FRAS1: variants seen among roughly 807,000 people sequenced by gnomAD.
The protein encoded by FRAS1 is Fraser extracellular matrix complex subunit 1, also known as extracellular matrix organizing protein FRAS1.
In FRAS1, 290 loss-of-function variants were observed where a neutral mutation model predicts 435.2. That is an observed-to-expected ratio of 0.67 (90% CI 0.61 to 0.73). FRAS1 has a LOEUF of 0.73. Among genes scored for constraint, FRAS1 ranks in the 30% least tolerant of loss-of-function variants. The pLI, the probability that FRAS1 is intolerant of heterozygous loss-of-function variation, is 0.00. For synonymous variants in FRAS1, 1,800 were observed against 1,851.0 expected, an observed-to-expected ratio of 0.97 and a Z score of 0.71; for missense variants, 4,860 against 5,001.5, an observed-to-expected ratio of 0.97 and a Z score of 0.85.
intron 32 of FRAS1, 89 bp downstream of exon 32, chr4:78,413,174 T>C: frequency 7.1e-6 from 5 of 705,502 alleles, no homozygotes; most frequent in Middle Eastern, 3.9e-4. Flanking sequence ...GTTTTGTATA[T>C]AGTAAGTGCC....
rs191170642 is a variant in FRAS1 at position 78,467,814 on chromosome 4, C to A, written c.7257+1379C>A. 6.8e-4 allele frequency among the ~76,000 whole-genome samples: 104 copies of A among 152,308 alleles called. 1 individual carries two copies. The highest frequency in any genetic ancestry group is 2.4e-3 in the African/African-American group (100 of 41,560). ...CATTGTAGTTTTGATTTGCATTTCT[C>A]TGATGATCAGTGATATTGAGCGTCT... On this transcript the variant is annotated intron_variant, in intron 50 of 73. Coordinates refer to ENST00000512123, the MANE Select transcript of FRAS1 (RefSeq NM_025074.7).
intron 2 of FRAS1, among the ~76,000 whole-genome samples, chr4:78,203,759 G>A (rs534000192): frequency 6.6e-6 from 1 of 152,186 alleles, no homozygotes; most frequent in East Asian, 1.9e-4. Flanking sequence ...GTAGAAACAG[G>A]GTTTCACAAT....
intron 44 of FRAS1, among the ~76,000 whole-genome samples, 179 bp from the exon 45 acceptor site, chr4:78,449,969 TGTC>T (rs1718971562): frequency 1.3e-5 from 2 of 150,138 alleles, no homozygotes; most frequent in Non-Finnish European, 2.9e-5. Context: ...TAAATTGAAA[TGTC>T]GGTACTCTTT....
intron 69 of FRAS1, among the ~76,000 whole-genome samples, chr4:78,524,353 C>G (rs1014223164): frequency 1.3e-4 from 20 of 152,192 alleles, no homozygotes; most frequent in Non-Finnish European, 2.6e-4. Context: ...CCATGCTAAA[C>G]ACACTGTGAG....
chr4:78,308,984 T>C (rs1224594962), intron 15 of FRAS1, among the ~76,000 whole-genome samples: 1 of 152,162 alleles, frequency 6.6e-6, no homozygotes, highest in Non-Finnish European at 1.5e-5. Context: ...TTAAGGATCT[T>C]GATGTGAGGA....
At chr4:78,214,572 A>G (rs1232276667) in intron 2 of FRAS1, among the ~76,000 whole-genome samples, 1 of 152,252 alleles carries the variant, frequency 6.6e-6, no homozygotes, top group African/African-American at 2.4e-5. Flanking sequence ...ACATCTTGAT[A>G]AAAACAGCAC....
rs373272838 is a variant in FRAS1 at position 78,369,984 on chromosome 4, G to A, written c.2869G>A (p.Glu957Lys). The A allele has an allele frequency of 1.4e-5, 23 of 1,612,050 alleles. No individual in the cohort carries two copies. Among genetic ancestry groups the A allele is most frequent in the Non-Finnish European group, 2.0e-5 (23 of 1,178,912 alleles). ...YLDFSTNTCK[E>K]CDWSCSACSG... ...TGACTTCTCCACCAACACGTGCAAAGGTAAAGCTCTTCCTGAATTGTGTAA... is the reference window on the plus strand; with the variant it reads ...TGACTTCTCCACCAACACGTGCAAAAGTAAAGCTCTTCCTGAATTGTGTAA... Residue 957 changes from glutamate to lysine, a missense_variant and splice_region_variant, in exon 23 of 74, where the codon GAG (glutamate) becomes AAG (lysine). By Grantham distance (56) the Glu-to-Lys change is moderately conservative (BLOSUM62 1). Coordinates refer to ENST00000512123, the MANE Select transcript of FRAS1 (RefSeq NM_025074.7).
intron 18 of FRAS1, among the ~76,000 whole-genome samples, chr4:78,328,557 T>A (rs564917872): frequency 1.3e-5 from 2 of 152,254 alleles, no homozygotes; most frequent in Non-Finnish European, 2.9e-5. Flanking sequence ...ATGTCTTAAA[T>A]AAGGTGCTAA....
intron 22 of FRAS1, among the ~76,000 whole-genome samples, 179 bp downstream of exon 22, chr4:78,364,233 A>G (rs1454747683): frequency 6.6e-6 from 1 of 152,234 alleles, no homozygotes; most frequent in Non-Finnish European, 1.5e-5. Context: ...TGGCTCAGAT[A>G]TCAGCCTAAT....
chr4:78,286,957 C>T lies in FRAS1; in HGVS notation c.1534+418C>T, dbSNP rs535277254. ...AATGTCTAAATAATTTTTTTAAATG[C>T]AGAAATGGAAGATGGGAGTTGTATT... On this transcript the variant is annotated intron_variant, in intron 14 of 73. Coordinates refer to ENST00000512123, the MANE Select transcript of FRAS1 (RefSeq NM_025074.7). Among the ~76,000 whole-genome samples the T allele has an allele frequency of 5.3e-5, 8 of 151,876 alleles. 2 individuals are homozygous for T. Among genetic ancestry groups the T allele is most frequent in the African/African-American group, 1.9e-4 (8 of 41,330 alleles).
At chr4:78,262,261 C>A (rs1726148079) in intron 6 of FRAS1, among the ~76,000 whole-genome samples, 1 of 152,214 alleles carries the variant, frequency 6.6e-6, no homozygotes, top group Non-Finnish European at 1.5e-5. Flanking sequence ...GGGGCACTCT[C>A]CTTCCTCACT....
chr4:78,237,571 T>A lies in FRAS1; in HGVS notation c.170T>A (p.Ile57Asn). The A allele has an allele frequency of 6.2e-7, 1 of 1,613,068 alleles. No individual in the cohort carries two copies. Among genetic ancestry groups the A allele is most frequent in the Middle Eastern group, 1.7e-4 (1 of 6,058 alleles). The change falls in exon 3 of 74, where the codon ATC (isoleucine) becomes AAC (asparagine). Residue 57 changes from isoleucine (I) to asparagine (N), a missense_variant. By Grantham distance (149) the Ile-to-Asn change is moderately radical. Transcript: ENST00000512123. ...TGCCGTTGCCATGGTGATATTGTTA[T>A]CTGCAAACCTGCTGTTTGCAGAAAC... The part of the protein sequence containing the change: ...QSCRCHGDIV[I>N]CKPAVCRNPQ...
In FRAS1 at chr4:78,479,516, T is replaced by C. The variant is rs754974078; in HGVS notation, c.8241T>C (p.Gly2747=). 9 of 1,613,910 alleles carry C rather than the reference T, an allele frequency of 5.6e-6. No individual in the cohort carries two copies. Among genetic ancestry groups the C allele is most frequent in the Non-Finnish European group, 7.6e-6 (9 of 1,179,790 alleles). Residue 2747 remains glycine (G), a synonymous_variant, in exon 56 of 74, where the codon GGT becomes GGC. Transcript: ENST00000512123. ...SAASRVIFGP[G]VTMSTCDVML... ...CGAGTCGTGTGATATTCGGGCCTGG[T>C]GTGACCATGTCCACCTGTGATGTCA...
chr4:78,151,513 A>G (rs1720660313), intron 2 of FRAS1, among the ~76,000 whole-genome samples: 1 of 152,134 alleles, frequency 6.6e-6, no homozygotes. Flanking sequence ...TGTCTGAGGG[A>G]GGCAGTATGT....
intron 47 of FRAS1, among the ~76,000 whole-genome samples, chr4:78,458,251 C>CTA (rs1719264965): frequency 6.6e-6 from 1 of 152,154 alleles, no homozygotes; most frequent in Non-Finnish European, 1.5e-5. Context: ...GGAGGCTAGT[C>CTA]TGTATCATGT....
chr4:78,173,405 T>C (rs558318414), intron 2 of FRAS1, among the ~76,000 whole-genome samples: 1 of 152,328 alleles, frequency 6.6e-6, no homozygotes, highest in Admixed American at 6.5e-5. Flanking sequence ...TAGGGTGCTA[T>C]GGACATGAAA....
chr4:78,347,685 C>T (rs1470636022), intron 20 of FRAS1, among the ~76,000 whole-genome samples: 2 of 151,966 alleles, frequency 1.3e-5, no homozygotes, highest in Non-Finnish European at 2.9e-5. Flanking sequence ...GTTCAAGTTC[C>T]TCTTATTCAC....
At chr4:78,304,778 G>T (rs1404148630) in intron 14 of FRAS1, among the ~76,000 whole-genome samples, 1 of 151,954 alleles carries the variant, frequency 6.6e-6, no homozygotes, top group Non-Finnish European at 1.5e-5. Context: ...AAAAAAAGTG[G>T]TCTATCAATT....
Position 78,252,448 on chromosome 4 carries a change from A to G in FRAS1, c.366A>G (p.Glu122=), listed in dbSNP as rs1470022895. The change falls in exon 5 of 74, where the codon GAA becomes GAG. Residue 122 remains glutamate, a synonymous_variant. Coordinates refer to ENST00000512123, the MANE Select transcript of FRAS1 (RefSeq NM_025074.7). ...PCSVCSCNHG[E]VRCTPQPCPP... ...GTGTGTGCTCTTGCAATCATGGGGAAGTCCGATGTACCCCCCAACCATGCC... is the reference window on the plus strand; with the variant it reads ...GTGTGTGCTCTTGCAATCATGGGGAGGTCCGATGTACCCCCCAACCATGCC... 1 of 1,613,664 alleles carries G rather than the reference A, an allele frequency of 6.2e-7. No homozygotes were observed. The highest frequency in any genetic ancestry group is 1.7e-5 in the Admixed American group (1 of 59,988).
Sources: allele counts gnomAD v4.1 joint callset (sites outside exome capture counted in the v4.1 genomes callset), GRCh38; gene constraint gnomAD v4.1.1; transcripts MANE v1.5; gene names NCBI Gene and HGNC (gene_info 2026-07-23, HGNC 2026-07-21).